The following ZC3HAV1 variants were observed in gnomAD, a reference collection of about 807,000 sequenced individuals.
The protein encoded by ZC3HAV1 is zinc finger CCCH-type containing, antiviral 1, also known as zinc finger CCCH-type antiviral protein 1.
Under a neutral mutation model 86.6 loss-of-function variants are expected in ZC3HAV1, and 41 were observed. The observed-to-expected ratio is 0.47, with a 90% CI of 0.37 to 0.61. The LOEUF is 0.61. ZC3HAV1 is among the 20% of genes least tolerant of loss of function. The probability of loss-of-function intolerance (pLI) is 0.00; values close to 1 mark genes in which losing one functional copy is unlikely to be tolerated. For synonymous variants in ZC3HAV1, 421 were observed against 432.1 expected, an observed-to-expected ratio of 0.97 and a Z score of 0.32; for missense variants, 964 against 1,141.1, an observed-to-expected ratio of 0.84 and a Z score of 2.24.
In ZC3HAV1 at chr7:139,045,653, G is replaced by T. The variant is rs1815933597; in HGVS notation, c.*1941C>A. The T allele has an allele frequency of 6.6e-6, 1 of 152,050 alleles. No individual in the cohort carries two copies. The highest frequency in any genetic ancestry group is 1.5e-5 in the Non-Finnish European group (1 of 68,016). 9.4% of individuals were successfully genotyped at this position (152,050 alleles called of 1,614,324 possible). A position where few individuals can be genotyped will look rare whatever the true frequency, so the allele number is the denominator to read the frequency against. ...CATACAGATCCTGAGAGAGGAACAG[G>T]TTCATGTGAGGGAGGTAGATGGAGA... is the stretch of plus-strand genomic sequence containing the variant. On this transcript the variant is annotated 3_prime_UTR_variant, in exon 13 of 13. Transcript: ENST00000242351.
At chr7:139,056,985 G>C (rs1044007166) in intron 9 of ZC3HAV1, among the ~76,000 whole-genome samples, 3 of 152,052 alleles carry the variant, frequency 2.0e-5, no homozygotes, top group Non-Finnish European at 4.4e-5. Context: ...TACCTGTTAG[G>C]AAGACACCTA....
chr7:139,089,024 C>T (rs988916596), intron 2 of ZC3HAV1, among the ~76,000 whole-genome samples: 3 of 147,604 alleles, frequency 2.0e-5, no homozygotes, highest in African/African-American at 7.6e-5. Context: ...ATTGCTTAAA[C>T]CTGGGAGGCA....
At chr7:139,066,555 C>T (rs1234775622) in intron 7 of ZC3HAV1, among the ~76,000 whole-genome samples, 3 of 152,154 alleles carry the variant, frequency 2.0e-5, no homozygotes, top group Non-Finnish European at 4.4e-5. Context: ...CTTACTGCAG[C>T]CAACAATTAA....
At chr7:139,101,637 G>A (rs1466515934) in intron 1 of ZC3HAV1, among the ~76,000 whole-genome samples, 1 of 149,406 alleles carries the variant, frequency 6.7e-6, no homozygotes, top group Admixed American at 6.7e-5. Flanking sequence ...AAGTAGACAT[G>A]GGAGACTTCA....
At chr7:139,075,153 A>G (rs1381613082) in intron 6 of ZC3HAV1, among the ~76,000 whole-genome samples, 1 of 152,212 alleles carries the variant, frequency 6.6e-6, no homozygotes, top group Non-Finnish European at 1.5e-5. Flanking sequence ...AAACGTCAGT[A>G]GTGCTGAGGT....
chr7:139,100,849 G>C (rs947811772), intron 1 of ZC3HAV1, among the ~76,000 whole-genome samples: 12 of 139,444 alleles, frequency 8.6e-5, no homozygotes, highest in South Asian at 2.3e-4. Context: ...CTCTTTCCAC[G>C]GTCTCCCTCT....
At chr7:139,083,640 T>C in intron 3 of ZC3HAV1, 140 bp downstream of exon 3, 3 of 1,167,102 alleles carry the variant, frequency 2.6e-6, no homozygotes, top group Non-Finnish European at 3.5e-6. Context: ...GGCAGGAGAA[T>C]CACTTGAACC....
intron 8 of ZC3HAV1, among the ~76,000 whole-genome samples, chr7:139,063,638 C>G (rs1478003250): frequency 2.0e-5 from 3 of 149,484 alleles, no homozygotes; most frequent in Non-Finnish European, 4.4e-5. Context: ...GTGACAGGAT[C>G]GCTTGAGCCA....
In ZC3HAV1 at chr7:139,079,897, G is replaced by GT; in HGVS notation, c.1043dup (p.Tyr348Ter). The GT allele has an allele frequency of 6.2e-7, 1 of 1,614,176 alleles. No homozygotes were observed. The highest frequency in any genetic ancestry group is 8.5e-7 in the Non-Finnish European group (1 of 1,180,042). ...DLLHGNPGST[Y>*]LASNSTSAPN... ...GGGCTGATGTTGAATTGGAAGCAAG[G>GT]TAAGTGCTGCCTGGATTTCCATGCA... is the stretch of plus-strand genomic sequence containing the variant. The change falls in exon 4 of 13, where the codon TAC becomes TAAC. Residue 348 changes from tyrosine to a stop codon, truncating the protein, a stop_gained and frameshift_variant. Transcript: ENST00000242351. LOFTEE classifies it high-confidence loss of function.
At chr7:139,089,996 T>G (rs1237646624) in intron 1 of ZC3HAV1, among the ~76,000 whole-genome samples, 1 of 152,168 alleles carries the variant, frequency 6.6e-6, no homozygotes, top group Non-Finnish European at 1.5e-5. Flanking sequence ...CTCGGCTCAC[T>G]GCAACCTCCA....
At chr7:139,102,390 G>T (rs1817799860) in intron 1 of ZC3HAV1, among the ~76,000 whole-genome samples, 1 of 152,122 alleles carries the variant, frequency 6.6e-6, no homozygotes, top group African/African-American at 2.4e-5. Context: ...TCGGCCTCTT[G>T]AAGTACTGGG....
intron 2 of ZC3HAV1, among the ~76,000 whole-genome samples, chr7:139,089,251 T>TA (rs1817363198): frequency 6.6e-6 from 1 of 152,114 alleles, no homozygotes; most frequent in East Asian, 1.9e-4. Context: ...GGGTCTCTGT[T>TA]ACAACAGCTT....
At position 139,046,842 on chromosome 7, in the gene ZC3HAV1, C is replaced by G. The variant is rs1815968315; in HGVS notation, c.*752G>C. 1 of 152,184 alleles carries G rather than the reference C, an allele frequency of 6.6e-6. No individual in the cohort carries two copies. The highest frequency in any genetic ancestry group is 2.4e-5 in the African/African-American group (1 of 41,432). The allele number at this position is 152,184 out of a possible 1,614,324, so 9.4% of individuals were successfully genotyped here. ...ATCCTTAATAGGCATGATTAGATTTCTCCCAAATTTTCCAAATTAACTTTC... is the reference window on the plus strand; with the variant it reads ...ATCCTTAATAGGCATGATTAGATTTGTCCCAAATTTTCCAAATTAACTTTC... On this transcript the variant is annotated 3_prime_UTR_variant, in exon 13 of 13. Transcript: ENST00000242351.
intron 1 of ZC3HAV1, among the ~76,000 whole-genome samples, chr7:139,093,469 C>T (rs182724340): frequency 1.8e-4 from 27 of 152,240 alleles, no homozygotes; most frequent in Admixed American, 1.1e-3. Flanking sequence ...GTGACCTGCA[C>T]GTATACATCC....
At chr7:139,050,841 T>C (rs1816099819) in intron 12 of ZC3HAV1, among the ~76,000 whole-genome samples, 1 of 152,242 alleles carries the variant, frequency 6.6e-6, no homozygotes, top group African/African-American at 2.4e-5. Context: ...TTAAACTTAA[T>C]AAACTTATGA....
chr7:139,047,500 G>A lies in ZC3HAV1; in HGVS notation c.*94C>T. On this transcript the variant is annotated 3_prime_UTR_variant, in exon 13 of 13. Transcript: ENST00000242351. ...TCTAAGACATTAGATAACTGAGCAG[G>A]AAAATATAAAACTTTAACTCCTGTC... The A allele has an allele frequency of 1.9e-6, 3 of 1,550,140 alleles. No individual in the cohort carries two copies. Among genetic ancestry groups the A allele is most frequent in the East Asian group, 2.2e-5 (1 of 44,628 alleles).
Position 139,104,521 on chromosome 7 carries a change from C to T in ZC3HAV1, c.308+4503G>A, listed in dbSNP as rs564939495. Among the ~76,000 whole-genome samples, 19 of 150,658 alleles carry T rather than the reference C, an allele frequency of 1.3e-4. No individual in the cohort carries two copies. In the East Asian group the frequency reaches 3.5e-3, roughly 28 times the overall value. ...CTGAGCTCAGGAGTTGGAGACCAGACTGGGCAACATAGTGAAATCCCGTCT... is the reference window on the plus strand; with the variant it reads ...CTGAGCTCAGGAGTTGGAGACCAGATTGGGCAACATAGTGAAATCCCGTCT... On this transcript the variant is annotated intron_variant, in intron 1 of 12. Coordinates refer to ENST00000242351, the MANE Select transcript of ZC3HAV1 (RefSeq NM_020119.4).
chr7:139,078,535 G>A lies in ZC3HAV1; in HGVS notation c.1573+17C>T, dbSNP rs777969979. ...CCAAAAGGTGGAAGCTTACAGAAAA[G>A]TCCTTAGGTTACTCACCATTAAGCG... is the stretch of plus-strand genomic sequence containing the variant. On this transcript the variant is annotated intron_variant, in intron 5 of 12. Transcript: ENST00000242351. 6.3e-7 allele frequency: 1 copy of A among 1,578,740 alleles called. No homozygotes were observed. The highest frequency in any genetic ancestry group is 1.9e-5 in the Admixed American group (1 of 52,668).
At chr7:139,106,580 C>CTCCA (rs1449608160) in intron 1 of ZC3HAV1, among the ~76,000 whole-genome samples, 2 of 152,162 alleles carry the variant, frequency 1.3e-5, no homozygotes, top group Admixed American at 6.5e-5. Context: ...GGTCACTGCA[C>CTCCA]TCCAGCCTTG....
Sources: gnomAD v4.1 joint callset for allele counts (sites outside exome capture counted in the v4.1 genomes callset) on GRCh38, gnomAD v4.1.1 for gene constraint, MANE v1.5 for transcripts, NCBI Gene and HGNC (gene_info 2026-07-23, HGNC 2026-07-21) for gene names.